HIF1A: variants seen among roughly 807,000 people sequenced by gnomAD.
HIF1A encodes hypoxia inducible factor 1 subunit alpha.
HIF1A carries 24 observed loss-of-function variants against 92.7 expected under a neutral mutation model. That is an observed-to-expected ratio of 0.26 (90% CI 0.19 to 0.36). The LOEUF (loss-of-function observed/expected upper bound fraction) is 0.36, where lower values mean the gene tolerates loss of function less well. Among genes scored for constraint, HIF1A ranks in the 10% least tolerant of loss-of-function variants. The probability of loss-of-function intolerance (pLI) is 1.00; values close to 1 mark genes in which losing one functional copy is unlikely to be tolerated. For synonymous variants in HIF1A, 319 were observed against 338.7 expected (o/e 0.94, Z 0.64); for missense variants, 799 against 998.5 (o/e 0.80, Z 2.69).
intron 1 of HIF1A, among the ~76,000 whole-genome samples, chr14:61,696,103 C>G (rs944543062): frequency 6.6e-6 from 1 of 152,344 alleles, no homozygotes; most frequent in South Asian, 2.1e-4. Flanking sequence ...GCCCTCCCCG[C>G]CGGCCGTGGG....
At chr14:61,721,423 G>C in intron 2 of HIF1A, 86 bp from the exon 3 acceptor site, 2 of 1,159,426 alleles carry the variant, frequency 1.7e-6, no homozygotes, top group South Asian at 1.4e-5. Flanking sequence ...GTGTCTGCGA[G>C]AAAACTTTGT....
intron 1 of HIF1A, among the ~76,000 whole-genome samples, chr14:61,713,364 T>C (rs2044328544): frequency 6.6e-6 from 1 of 152,186 alleles, no homozygotes; most frequent in Non-Finnish European, 1.5e-5. Context: ...TTACGTATCA[T>C]ATGCATCTTG....
chr14:61,702,273 CAAAAAA>C (rs34312928), intron 1 of HIF1A, among the ~76,000 whole-genome samples: 13 of 101,968 alleles, frequency 1.3e-4, no homozygotes, highest in Admixed American at 5.4e-4. Context: ...ACTAAAAATA[CAAAAAA>C]AAAAAAAAAA....
rs549024965 is a variant in HIF1A at position 61,695,641 on chromosome 14, T to C, written c.-164T>C. 2.7e-6 allele frequency: 2 copies of C among 732,446 alleles called. No homozygotes were observed. Among genetic ancestry groups the C allele is most frequent in the Non-Finnish European group, 4.4e-6 (2 of 454,954 alleles). The allele number at this position is 732,446 out of a possible 1,614,324, so 45.4% of individuals were successfully genotyped here. On this transcript the variant is annotated 5_prime_UTR_variant, in exon 1 of 15. Transcript: ENST00000337138. ...CGGAGCCGGGCCCGGACCCCGGCGA[T>C]TGCCGCCCGCTTCTCTCTAGTCTCA...
intron 1 of HIF1A, among the ~76,000 whole-genome samples, chr14:61,714,137 T>C (rs2044337691): frequency 1.3e-5 from 2 of 152,114 alleles, no homozygotes; most frequent in Admixed American, 1.3e-4. Context: ...AGTAGAGCTG[T>C]GTGTAAGGAG....
At chr14:61,731,223 A>G (rs1431318209) in intron 6 of HIF1A, among the ~76,000 whole-genome samples, 2 of 152,118 alleles carry the variant, frequency 1.3e-5, no homozygotes, top group African/African-American at 4.8e-5. Context: ...TCGGTAGGAA[A>G]GTCCTCTGAA....
At position 61,742,338 on chromosome 14, in the gene HIF1A, G is replaced by A. The variant is rs983140720; in HGVS notation, c.2093+1150G>A. Among the ~76,000 whole-genome samples, 9 of 152,174 alleles carry A rather than the reference G, an allele frequency of 5.9e-5. No homozygotes were observed. The East Asian group carries it at 1.7e-3, about 29-fold the overall frequency. On this transcript the variant is annotated intron_variant, in intron 12 of 14. Coordinates refer to ENST00000337138, the MANE Select transcript of HIF1A (RefSeq NM_001530.4). ...ATAGCAATAGGAAAGAACCACTGTC[G>A]TAGCCAGAACACATAGCTTTTTTCC... is the stretch of plus-strand genomic sequence containing the variant.
intron 10 of HIF1A, 110 bp from the exon 11 acceptor site, chr14:61,740,395 A>G (rs1302216947): frequency 1.0e-5 from 8 of 781,486 alleles, no homozygotes; most frequent in African/African-American, 1.7e-5. Context: ...AACACGATGG[A>G]CTTGGTTGTG....
At chr14:61,699,777 T>C (rs1290639598) in intron 1 of HIF1A, among the ~76,000 whole-genome samples, 1 of 152,198 alleles carries the variant, frequency 6.6e-6, no homozygotes, top group African/African-American at 2.4e-5. Context: ...ATGTGTTTTC[T>C]GCTTAACTCT....
intron 1 of HIF1A, among the ~76,000 whole-genome samples, chr14:61,700,400 G>A (rs2044164831): frequency 6.6e-6 from 1 of 152,066 alleles, no homozygotes; most frequent in South Asian, 2.1e-4. Flanking sequence ...GAATTATAGG[G>A]TTTTAATATT....
intron 4 of HIF1A, among the ~76,000 whole-genome samples, chr14:61,725,880 C>G (rs2044497120): frequency 6.6e-6 from 1 of 151,250 alleles, no homozygotes; most frequent in Admixed American, 6.6e-5. Flanking sequence ...AGTGCAGTGG[C>G]ACAGTCTCAG....
chr14:61,735,960 C>G (rs1385037040), intron 8 of HIF1A, among the ~76,000 whole-genome samples: 1 of 151,624 alleles, frequency 6.6e-6, no homozygotes, highest in Non-Finnish European at 1.5e-5. Flanking sequence ...GCCATTACTA[C>G]TCTTCTCAAA....
rs759305805 is a variant in HIF1A, at chr14:61,721,685, A to G, written c.372+31A>G. 1.9e-5 allele frequency: 31 copies of G among 1,610,386 alleles called. 1 individual carries two copies. In the South Asian group the frequency reaches 2.1e-4, roughly 11 times the overall value. On this transcript the variant is annotated intron_variant, in intron 3 of 14. Coordinates refer to ENST00000337138, the MANE Select transcript of HIF1A (RefSeq NM_001530.4). ...ATGCACACATATTAAGAGCTCTTCT[A>G]TATGTTTTTATGATTTTATGATCTA...
chr14:61,711,207 C>CTTTTTTTTTT (rs10615564), intron 1 of HIF1A, among the ~76,000 whole-genome samples: 2 of 86,132 alleles, frequency 2.3e-5, no homozygotes, highest in Non-Finnish European at 2.2e-5. Context: ...TTAAGTATTC[C>CTTTTTTTTTT]TTTTTTTTTT....
chr14:61,727,726 C>A, intron 6 of HIF1A, 71 bp downstream of exon 6: 1 of 1,183,098 alleles, frequency 8.5e-7, no homozygotes, highest in Non-Finnish European at 1.2e-6. Flanking sequence ...TTCACCATAG[C>A]AAAGATTCAG....
intron 2 of HIF1A, 98 bp from the exon 3 acceptor site, chr14:61,721,411 A>C: frequency 1.0e-6 from 1 of 959,744 alleles, no homozygotes; most frequent in Non-Finnish European, 1.6e-6. Context: ...ATATTAAATA[A>C]AGTGTCTGCG....
intron 8 of HIF1A, among the ~76,000 whole-genome samples, chr14:61,736,215 G>A (rs1350409450): frequency 2.0e-5 from 3 of 152,024 alleles, no homozygotes; most frequent in East Asian, 3.9e-4. Flanking sequence ...AGGCTCAAGC[G>A]ATCCACCCGC....
intron 1 of HIF1A, among the ~76,000 whole-genome samples, chr14:61,711,314 C>A (rs2044305572): frequency 6.8e-6 from 1 of 147,468 alleles, no homozygotes; most frequent in African/African-American, 2.5e-5. Context: ...AAATAATCCT[C>A]CTGCCTCAGC....
intron 1 of HIF1A, among the ~76,000 whole-genome samples, chr14:61,702,249 GA>G (rs1201942778): frequency 2.5e-5 from 3 of 119,638 alleles, no homozygotes; most frequent in African/African-American, 9.1e-5. Flanking sequence ...CCAACTTGGA[GA>G]AACCCCGTCT....
Sources: gnomAD v4.1 joint callset for allele counts (sites outside exome capture counted in the v4.1 genomes callset) on GRCh38, gnomAD v4.1.1 for gene constraint, MANE v1.5 for transcripts, NCBI Gene and HGNC (gene_info 2026-07-23, HGNC 2026-07-21) for gene names.